The following PTPRG variants were observed in gnomAD, a reference collection of about 807,000 sequenced individuals.
PTPRG encodes receptor-type tyrosine-protein phosphatase gamma.
PTPRG carries 102 observed loss-of-function variants against 165.3 expected under a neutral mutation model. That is an observed-to-expected ratio of 0.62 (90% CI 0.53 to 0.73). The LOEUF (loss-of-function observed/expected upper bound fraction) is 0.73, where lower values mean the gene tolerates loss of function less well. Among genes scored for constraint, PTPRG ranks in the 30% least tolerant of loss-of-function variants. The pLI is 0.00. For missense variants in PTPRG, 1,866 were observed against 1,861.4 expected (o/e 1.00, Z -0.05); for synonymous variants, 675 against 669.5 (o/e 1.01, Z -0.13).
At chr3:61,916,711 C>G (rs1457697901) in intron 2 of PTPRG, among the ~76,000 whole-genome samples, 1 of 151,796 alleles carries the variant, frequency 6.6e-6, no homozygotes, top group Non-Finnish European at 1.5e-5. Flanking sequence ...CTATTTTATC[C>G]TCATAACAGT....
intron 2 of PTPRG, among the ~76,000 whole-genome samples, chr3:61,803,097 G>C (rs959494346): frequency 2.0e-5 from 3 of 152,276 alleles, no homozygotes; most frequent in African/African-American, 7.2e-5. Flanking sequence ...CATAGACAGA[G>C]CCAGAGCCTA....
chr3:62,266,485 G>A (rs918832299), intron 17 of PTPRG, among the ~76,000 whole-genome samples: 1 of 152,012 alleles, frequency 6.6e-6, no homozygotes, highest in African/African-American at 2.4e-5. Context: ...GATGCCTTAG[G>A]AGAAATTTTT....
At chr3:61,960,322 C>A (rs1417411071) in intron 2 of PTPRG, among the ~76,000 whole-genome samples, 1 of 149,758 alleles carries the variant, frequency 6.7e-6, no homozygotes, top group South Asian at 2.1e-4. Context: ...GGCATGGCCT[C>A]TTCTTCTTGA....
intron 1 of PTPRG, among the ~76,000 whole-genome samples, chr3:61,607,448 C>G (rs1231370971): frequency 8.3e-6 from 1 of 120,854 alleles, no homozygotes; most frequent in African/African-American, 3.1e-5. Flanking sequence ...CCAGATGCAT[C>G]AAACACTACT....
chr3:61,762,833 G>A (rs2033898169), intron 2 of PTPRG, among the ~76,000 whole-genome samples: 1 of 152,018 alleles, frequency 6.6e-6, no homozygotes, highest in Non-Finnish European at 1.5e-5. Flanking sequence ...CAGCACCTTT[G>A]TACCCTGCCA....
At chr3:61,899,039 A>T (rs2038433427) in intron 2 of PTPRG, among the ~76,000 whole-genome samples, 1 of 152,018 alleles carries the variant, frequency 6.6e-6, no homozygotes, top group Non-Finnish European at 1.5e-5. Context: ...CTCCCAAGTC[A>T]CTGGGACTAT....
At chr3:62,109,525 C>T (rs1559516888) in intron 5 of PTPRG, among the ~76,000 whole-genome samples, 1 of 152,128 alleles carries the variant, frequency 6.6e-6, no homozygotes, top group Non-Finnish European at 1.5e-5. Context: ...CTTGGTTATG[C>T]AGGCTCTTTT....
intron 1 of PTPRG, among the ~76,000 whole-genome samples, chr3:61,592,597 T>C (rs559566345): frequency 1.5e-4 from 23 of 152,210 alleles, no homozygotes; most frequent in Middle Eastern, 3.4e-3. Flanking sequence ...GTAGTCATTG[T>C]AGGAAACACC....
chr3:62,080,760 T>A (rs1054213691), intron 5 of PTPRG, among the ~76,000 whole-genome samples: 2 of 152,234 alleles, frequency 1.3e-5, no homozygotes, highest in Non-Finnish European at 2.9e-5. Context: ...AATTAGAATT[T>A]TAGGCAGGCA....
chr3:62,293,362 T>C lies in PTPRG; in HGVS notation c.*55T>C. Reference sequence around the variant, plus strand: ...AAACTTCTGAAGACTGAGAACTTTTTTGAGGCCTTTTTTGCCAGACTCTAG... The same window carrying C: ...AAACTTCTGAAGACTGAGAACTTTTCTGAGGCCTTTTTTGCCAGACTCTAG... On this transcript the variant is annotated 3_prime_UTR_variant, in exon 30 of 30. Transcript: ENST00000474889. 2 of 1,440,352 alleles carry C rather than the reference T, an allele frequency of 1.4e-6. No individual in the cohort carries two copies. The highest frequency in any genetic ancestry group is 1.6e-5 in the South Asian group (1 of 61,398). The allele number at this position is 1,440,352 out of a possible 1,614,324, so 89.2% of individuals were successfully genotyped here.
At chr3:61,611,160 T>C (rs1033127164) in intron 1 of PTPRG, among the ~76,000 whole-genome samples, 8 of 152,188 alleles carry the variant, frequency 5.3e-5, no homozygotes, top group Admixed American at 1.3e-4. Context: ...CTAATCATCC[T>C]GTAATAGTTT....
chr3:62,013,479 T>G (rs2041472854), intron 4 of PTPRG, among the ~76,000 whole-genome samples: 1 of 152,230 alleles, frequency 6.6e-6, no homozygotes, highest in Admixed American at 6.5e-5. Context: ...TGAACAAATC[T>G]GAAGAACTAA....
At chr3:61,767,619 G>T (rs1278096937) in intron 2 of PTPRG, among the ~76,000 whole-genome samples, 1 of 152,192 alleles carries the variant, frequency 6.6e-6, no homozygotes, top group East Asian at 1.9e-4. Context: ...TACATTTTCA[G>T]TGTTCCAAGA....
chr3:61,951,330 C>T (rs540071615), intron 2 of PTPRG, among the ~76,000 whole-genome samples: 1 of 152,264 alleles, frequency 6.6e-6, no homozygotes, highest in African/African-American at 2.4e-5. Context: ...TGAACTGTAG[C>T]TTTTAATGTT....
At chr3:62,078,282 C>T (rs1406270980) in intron 5 of PTPRG, 24 bp downstream of exon 5, 18 of 1,462,722 alleles carry the variant, frequency 1.2e-5, no homozygotes, top group Non-Finnish European at 1.6e-5. Flanking sequence ...GGCTGAAGTA[C>T]TTCAAAGAAT....
At chr3:61,621,876 G>T (rs1010455786) in intron 1 of PTPRG, among the ~76,000 whole-genome samples, 1 of 152,104 alleles carries the variant, frequency 6.6e-6, no homozygotes, top group African/African-American at 2.4e-5. Flanking sequence ...GTGGTTCTCT[G>T]TAGAATTAAG....
At chr3:61,889,151 A>G (rs1322474790) in intron 2 of PTPRG, among the ~76,000 whole-genome samples, 1 of 152,128 alleles carries the variant, frequency 6.6e-6, no homozygotes, top group Non-Finnish European at 1.5e-5. Context: ...ACTTGAATAT[A>G]CTTTGATAAT....
In PTPRG at chr3:62,203,661, G is replaced by A. The variant is rs570913535; in HGVS notation, c.1866G>A (p.Glu622=). 1.3e-6 allele frequency: 2 copies of A among 1,563,222 alleles called. No individual in the cohort carries two copies. Among genetic ancestry groups the A allele is most frequent in the African/African-American group, 1.4e-5 (1 of 73,946 alleles). Reference sequence around the variant, plus strand: ...CTGCCGAGGAGCGGAATCAGACGGAGCCCAGCCCCACACCCTCGTCTCCTA... The same window carrying A: ...CTGCCGAGGAGCGGAATCAGACGGAACCCAGCCCCACACCCTCGTCTCCTA... ...THAAEERNQT[E]PSPTPSSPNR... The change falls in exon 12 of 30, where the codon GAG becomes GAA. Residue 622 remains glutamate, a synonymous_variant. Transcript: ENST00000474889. This position sits in a 1 kb window ranked among gnomAD's most constrained non-coding sequence, Gnocchi z 6.4.
chr3:61,846,291 T>C (rs992637150), intron 2 of PTPRG, among the ~76,000 whole-genome samples: 2 of 152,210 alleles, frequency 1.3e-5, no homozygotes, highest in African/African-American at 2.4e-5. Flanking sequence ...GCAATTAATA[T>C]CCGAGTGATG....
Sources: allele counts gnomAD v4.1 joint callset (sites outside exome capture counted in the v4.1 genomes callset), GRCh38; gene constraint gnomAD v4.1.1; non-coding constraint Gnocchi (gnomAD v3.1); transcripts MANE v1.5; gene names NCBI Gene and HGNC (gene_info 2026-07-23, HGNC 2026-07-21).